FBXW2: variants seen among roughly 807,000 people sequenced by gnomAD.
FBXW2 encodes the protein F-box/WD repeat-containing protein 2.
FBXW2 carries 12 observed loss-of-function variants against 46.0 expected under a neutral mutation model. The ratio of observed to expected loss-of-function variants is 0.26; its 90% CI spans 0.17 to 0.42. FBXW2 has a LOEUF of 0.42. FBXW2 is among the 10% of genes least tolerant of loss of function. The probability of loss-of-function intolerance (pLI) is 1.00; values close to 1 mark genes in which losing one functional copy is unlikely to be tolerated. For missense variants in FBXW2, 360 were observed against 537.0 expected (o/e 0.67, Z 3.26); for synonymous variants, 203 against 209.6 (o/e 0.97, Z 0.27).
rs190667851 is a variant in FBXW2, at chr9:120,764,886, C to T, written c.1077-39G>A. The T allele has an allele frequency of 3.2e-4, 476 of 1,474,198 alleles. 2 individuals carry two copies. The African/African-American group carries it at 5.9e-3, about 18-fold the overall frequency. The allele number at this position is 1,474,198 out of a possible 1,614,324, so 91.3% of individuals were successfully genotyped here. A position where few individuals can be genotyped will look rare whatever the true frequency, so the allele number is the denominator to read the frequency against. ...AGTTAGGGACTGTGAAAGAAGGCAA[C>T]CTTGCTTCTGTTTATGCTACTGTAA... On this transcript the variant is annotated intron_variant, in intron 7 of 7. Transcript: ENST00000608872.
intron 3 of FBXW2, among the ~76,000 whole-genome samples, chr9:120,783,371 G>A (rs1173909038): frequency 6.6e-6 from 1 of 151,958 alleles, no homozygotes; most frequent in Non-Finnish European, 1.5e-5. Context: ...GCAGCATAGA[G>A]GTGAAAGAGG....
Position 120,778,419 on chromosome 9 carries a change from T to C in FBXW2, c.617A>G (p.Asn206Ser), listed in dbSNP as rs1459330126. 3 of 1,614,000 alleles carry C rather than the reference T, an allele frequency of 1.9e-6. No homozygotes were observed. The highest frequency in any genetic ancestry group is 1.1e-5 in the South Asian group (1 of 91,052). Residue 206 changes from asparagine (N) to serine (S), a missense_variant, in exon 4 of 8, where the codon AAC (asparagine) becomes AGC (serine). Transcript: ENST00000608872. ...EQKLVTGSFD[N>S]TVACWEWSSG... ...ACTCCATTCCCAGCAAGCCACAGTG[T>C]TGTCAAAGGAGCCTGTCACAAGCTT...
intron 2 of FBXW2, 187 bp downstream of exon 2, chr9:120,792,962 T>C (rs1462390623): frequency 2.0e-6 from 3 of 1,533,822 alleles, no homozygotes; most frequent in Non-Finnish European, 8.7e-7. Context: ...TCACACTTCA[T>C]CGTCTTTCAA....
chr9:120,776,253 A>G lies in FBXW2; in HGVS notation c.686-27T>C, dbSNP rs757926482. The G allele has an allele frequency of 8.7e-6, 14 of 1,607,972 alleles. No individual in the cohort carries two copies. The South Asian group carries it at 1.5e-4, about 18-fold the overall frequency. ...TAGTGCATATAATTACACAAAGTTA[A>G]AACATGTCTCTGTCAGTGGGTCTTT... On this transcript the variant is annotated intron_variant, in intron 4 of 7. Transcript: ENST00000608872.
intron 5 of FBXW2, among the ~76,000 whole-genome samples, 167 bp downstream of exon 5, chr9:120,775,922 CATGT>C (rs1448170664): frequency 1.3e-5 from 2 of 152,100 alleles, no homozygotes; most frequent in African/African-American, 4.8e-5. Flanking sequence ...TTTGTTAAAC[CATGT>C]ATTAAGTACC....
chr9:120,764,146 G>C lies in FBXW2; in HGVS notation c.*413C>G. 1 of 364,740 alleles carries C rather than the reference G, an allele frequency of 2.7e-6. No individual in the cohort carries two copies. Among genetic ancestry groups the C allele is most frequent in the Non-Finnish European group, 4.9e-6 (1 of 205,368 alleles). The allele number at this position is 364,740 out of a possible 1,614,324, so 22.6% of individuals were successfully genotyped here. A position where few individuals can be genotyped will look rare whatever the true frequency, so the allele number is the denominator to read the frequency against. ...GCTGTAACAACATCATAGCACCTTT[G>C]CTTCAACTTCAAAAGAAAAAAAGGC... On this transcript the variant is annotated 3_prime_UTR_variant, in exon 8 of 8. Coordinates refer to ENST00000608872, the MANE Select transcript of FBXW2 (RefSeq NM_012164.4).
At chr9:120,774,473 C>T (rs1463369781) in intron 5 of FBXW2, among the ~76,000 whole-genome samples, 3 of 151,868 alleles carry the variant, frequency 2.0e-5, no homozygotes, top group Non-Finnish European at 4.4e-5. Flanking sequence ...GATCATGACA[C>T]GGCATTCCAG....
rs2044213905 is a variant in FBXW2, at chr9:120,762,624, C to T, written c.*1935G>A. 1 of 152,212 alleles carries T rather than the reference C, an allele frequency of 6.6e-6. No individual in the cohort carries two copies. The highest frequency in any genetic ancestry group is 2.4e-5 in the African/African-American group (1 of 41,450). 9.4% of individuals were successfully genotyped at this position (152,212 alleles called of 1,614,324 possible). A position where few individuals can be genotyped will look rare whatever the true frequency, so the allele number is the denominator to read the frequency against. ...TAATTTCTATCAACTTCACAGCACTCAGAGGTCCAGAGTCTGGCTCTATGC... is the reference window on the plus strand; with the variant it reads ...TAATTTCTATCAACTTCACAGCACTTAGAGGTCCAGAGTCTGGCTCTATGC... On this transcript the variant is annotated 3_prime_UTR_variant, in exon 8 of 8. Transcript: ENST00000608872.
chr9:120,772,872 C>T, intron 5 of FBXW2, 32 bp from the exon 6 acceptor site: 5 of 1,364,470 alleles, frequency 3.7e-6, no homozygotes, highest in Non-Finnish European at 4.2e-6. Context: ...CGGAAAGATC[C>T]TTTTAATGCT....
intron 2 of FBXW2, among the ~76,000 whole-genome samples, chr9:120,790,508 C>A (rs1355597530): frequency 6.6e-6 from 1 of 151,842 alleles, no homozygotes; most frequent in African/African-American, 2.4e-5. Flanking sequence ...AGAAAAAAAA[C>A]CACACACCTG....
At chr9:120,783,105 C>CA (rs35546603) in intron 3 of FBXW2, among the ~76,000 whole-genome samples, 204 of 147,190 alleles carry the variant, frequency 1.4e-3, no homozygotes, top group African/African-American at 4.6e-3. Flanking sequence ...GCACAATTTG[C>CA]AAAAAAAAAG....
In FBXW2 at chr9:120,764,452, T is replaced by A; in HGVS notation, c.*107A>T. On this transcript the variant is annotated 3_prime_UTR_variant, in exon 8 of 8. Transcript: ENST00000608872. ...TAAATGATTGTGCACTGCGTGATGA[T>A]ACCATTAGGTGAGAACTTTGGTTCA... The A allele has an allele frequency of 8.0e-7, 1 of 1,246,716 alleles. No homozygotes were observed. Among genetic ancestry groups the A allele is most frequent in the Non-Finnish European group, 1.1e-6 (1 of 882,114 alleles). The allele number at this position is 1,246,716 out of a possible 1,614,324, so 77.2% of individuals were successfully genotyped here. A position where few individuals can be genotyped will look rare whatever the true frequency, so the allele number is the denominator to read the frequency against.
At chr9:120,790,449 A>G (rs1420258511) in intron 2 of FBXW2, among the ~76,000 whole-genome samples, 1 of 152,068 alleles carries the variant, frequency 6.6e-6, no homozygotes, top group Non-Finnish European at 1.5e-5. Context: ...ACGCCACTGC[A>G]CTCCAGCCGG....
In FBXW2 at chr9:120,758,699, G is replaced by A. The variant is rs2044154671; in HGVS notation, c.*5860C>T. 1 of 152,196 alleles carries A rather than the reference G, an allele frequency of 6.6e-6. No individual in the cohort carries two copies. Among genetic ancestry groups the A allele is most frequent in the Non-Finnish European group, 1.5e-5 (1 of 68,046 alleles). 9.4% of individuals were successfully genotyped at this position (152,196 alleles called of 1,614,324 possible). A position where few individuals can be genotyped will look rare whatever the true frequency, so the allele number is the denominator to read the frequency against. ...CAATGAATCACTTTACCAAGCCACA[G>A]CTTTCTCATCTGTAAAACAGGAATG... On this transcript the variant is annotated 3_prime_UTR_variant, in exon 8 of 8. Transcript: ENST00000608872.
chr9:120,788,603 A>C (rs2044770489), intron 2 of FBXW2, among the ~76,000 whole-genome samples: 1 of 152,250 alleles, frequency 6.6e-6, no homozygotes, highest in African/African-American at 2.4e-5. Context: ...CCAACAATTC[A>C]TTATAAAACA....
chr9:120,767,881 A>G (rs570241746), intron 7 of FBXW2, among the ~76,000 whole-genome samples: 1 of 152,282 alleles, frequency 6.6e-6, no homozygotes, highest in African/African-American at 2.4e-5. Flanking sequence ...TAATATATGC[A>G]CTACCACAGC....
At chr9:120,774,941 G>A (rs767186451) in intron 5 of FBXW2, among the ~76,000 whole-genome samples, 4 of 152,068 alleles carry the variant, frequency 2.6e-5, no homozygotes, top group South Asian at 2.1e-4. Context: ...CGCTGGGCCC[G>A]TGCATGTATT....
rs1323398417 is a variant in FBXW2, at chr9:120,757,925, C to T, written c.*6634G>A. On this transcript the variant is annotated 3_prime_UTR_variant, in exon 8 of 8. Transcript: ENST00000608872. ...AATTGATCTTTCATTTGCTTCTGAT[C>T]TTTTATTTTCAATTTTAGATGCTCT... The T allele has an allele frequency of 2.0e-5, 3 of 152,192 alleles. No homozygotes were observed. The highest frequency in any genetic ancestry group is 7.2e-5 in the African/African-American group (3 of 41,436). 9.4% of individuals were successfully genotyped at this position (152,192 alleles called of 1,614,324 possible). A position where few individuals can be genotyped will look rare whatever the true frequency, so the allele number is the denominator to read the frequency against.
intron 4 of FBXW2, 40 bp downstream of exon 4, chr9:120,778,311 G>A: frequency 3.9e-6 from 6 of 1,520,218 alleles, no homozygotes; most frequent in Non-Finnish European, 5.3e-6. Context: ...TTAAAAGGAT[G>A]AGGCTAAGTT....
Sources: allele counts gnomAD v4.1 joint callset (sites outside exome capture counted in the v4.1 genomes callset), GRCh38; gene constraint gnomAD v4.1.1; transcripts MANE v1.5; gene names NCBI Gene and HGNC (gene_info 2026-07-23, HGNC 2026-07-21).